Variants in RELCH observed in about 807,000 individuals in gnomAD.
RELCH encodes RAB11 binding and LisH domain, coiled-coil and HEAT repeat containing.
RELCH carries 41 observed loss-of-function variants against 150.3 expected under a neutral mutation model. That is an observed-to-expected ratio of 0.27 (90% CI 0.21 to 0.35). RELCH has a LOEUF of 0.35. Ranked by LOEUF, RELCH falls within the 10% of genes least tolerant of loss-of-function variation. The pLI, the probability that RELCH is intolerant of heterozygous loss-of-function variation, is 1.00. For synonymous variants in RELCH, 478 were observed against 531.8 expected (o/e 0.90, Z 1.39); for missense variants, 1,092 against 1,467.8 (o/e 0.74, Z 4.18).
chr18:62,263,953 T>C, intron 16 of RELCH, 36 bp from the exon 17 acceptor site: 1 of 1,579,450 alleles, frequency 6.3e-7, no homozygotes, highest in Non-Finnish European at 8.6e-7. Context: ...AAAATGCCAA[T>C]TTCCATATGA....
chr18:62,292,720 G>A (rs780894740), intron 27 of RELCH, among the ~76,000 whole-genome samples: 1 of 152,122 alleles, frequency 6.6e-6, no homozygotes, highest in Non-Finnish European at 1.5e-5. Context: ...ATATCTGATA[G>A]TTAACATAGA....
rs963408732 is a variant in RELCH at position 62,307,995 on chromosome 18, C to T, written c.*2461C>T. The T allele has an allele frequency of 2.6e-5, 4 of 152,100 alleles. No homozygotes were observed. The highest frequency in any genetic ancestry group is 1.9e-4 in the East Asian group (1 of 5,188). The allele number at this position is 152,100 out of a possible 1,614,324, so 9.4% of individuals were successfully genotyped here. A position where few individuals can be genotyped will look rare whatever the true frequency, so the allele number is the denominator to read the frequency against. On this transcript the variant is annotated 3_prime_UTR_variant, in exon 29 of 29. Coordinates refer to ENST00000644646, the MANE Select transcript of RELCH (RefSeq NM_001346231.2). ...ACATCAAATTGATTTTCAACCTGAA[C>T]GAAATTGTGAGTAATTTAAGTCATG...
At chr18:62,191,930 C>G (rs145894275) in intron 1 of RELCH, among the ~76,000 whole-genome samples, 1 of 152,300 alleles carries the variant, frequency 6.6e-6, no homozygotes, top group Non-Finnish European at 1.5e-5. Flanking sequence ...ATTGCTGGGT[C>G]AAATGGTATT....
chr18:62,258,467 G>A, intron 14 of RELCH, 45 bp from the exon 15 acceptor site: 2 of 1,509,152 alleles, frequency 1.3e-6, no homozygotes, highest in Non-Finnish European at 1.8e-6. Flanking sequence ...TTTATTTTAA[G>A]TTTATCCCTT....
intron 24 of RELCH, 28 bp downstream of exon 24, chr18:62,280,737 CTG>C (rs3842400): frequency 0.11 from 154,689 of 1,421,058 alleles, 10,210 homozygotes; most frequent in African/African-American, 0.27. Flanking sequence ...TTATTTATGT[CTG>C]TGTAATATTG....
chr18:62,213,452 C>G (rs866115668), intron 2 of RELCH, among the ~76,000 whole-genome samples: 12 of 152,074 alleles, frequency 7.9e-5, no homozygotes, highest in African/African-American at 2.4e-4. Flanking sequence ...ATCATTAGGC[C>G]GGGCGCTGTG....
intron 28 of RELCH, among the ~76,000 whole-genome samples, chr18:62,301,593 A>G (rs2045666828): frequency 6.6e-6 from 1 of 152,192 alleles, no homozygotes; most frequent in South Asian, 2.1e-4. Context: ...AATCACCTGG[A>G]AATTGCTGAG....
Position 62,307,246 on chromosome 18 carries a change from T to C in RELCH, c.*1712T>C, listed in dbSNP as rs965994764. ...ATTTTGTAAATATAATTTATATAAA[T>C]TTACCTATTTTGGTTTATTTTTACT... On this transcript the variant is annotated 3_prime_UTR_variant, in exon 29 of 29. Transcript: ENST00000644646. 2 of 151,982 alleles carry C rather than the reference T, an allele frequency of 1.3e-5. No homozygotes were observed. The highest frequency in any genetic ancestry group is 4.8e-5 in the African/African-American group (2 of 41,406). The allele number at this position is 151,982 out of a possible 1,614,324, so 9.4% of individuals were successfully genotyped here.
chr18:62,301,370 T>C (rs1467449292), intron 28 of RELCH, among the ~76,000 whole-genome samples: 1 of 152,224 alleles, frequency 6.6e-6, no homozygotes, highest in African/African-American at 2.4e-5. Context: ...TAGTAAATAT[T>C]ATTTTAAACT....
chr18:62,196,528 C>T (rs1004128380), intron 1 of RELCH, among the ~76,000 whole-genome samples: 1 of 152,220 alleles, frequency 6.6e-6, no homozygotes, highest in Non-Finnish European at 1.5e-5. Flanking sequence ...CTGCGCCCGG[C>T]CCCATCACAA....
rs1320529166 is a variant in RELCH, at chr18:62,227,469, C to G, written c.1039C>G (p.Leu347Val). 6.2e-7 allele frequency: 1 copy of G among 1,613,156 alleles called. No homozygotes were observed. Among genetic ancestry groups the G allele is most frequent in the South Asian group, 1.1e-5 (1 of 91,060 alleles). The change falls in exon 6 of 29, where the codon CTT becomes GTT. Residue 347 changes from leucine (L) to valine (V), a missense_variant. By Grantham distance (32) the Leu-to-Val change is conservative. Transcript: ENST00000644646. ...AATTATAAGCAACCTTCCTCCAACT[C>G]TTGAAACTCCCCAGCCTGCAGAGGT... is the stretch of plus-strand genomic sequence containing the variant. ...TPIISNLPPT[L>V]ETPQPAENSM...
intron 2 of RELCH, among the ~76,000 whole-genome samples, chr18:62,211,810 G>C (rs2040188775): frequency 6.6e-6 from 1 of 151,670 alleles, no homozygotes; most frequent in South Asian, 2.1e-4. Context: ...AAATAAAAAG[G>C]TTAAAATACT....
intron 8 of RELCH, among the ~76,000 whole-genome samples, chr18:62,228,857 A>T (rs1285364579): frequency 1.3e-5 from 2 of 152,084 alleles, no homozygotes; most frequent in African/African-American, 4.8e-5. Context: ...TTAAACCCAT[A>T]ACTAATATGT....
intron 1 of RELCH, among the ~76,000 whole-genome samples, chr18:62,208,184 C>T (rs2039932351): frequency 6.6e-6 from 1 of 152,012 alleles, no homozygotes; most frequent in Non-Finnish European, 1.5e-5. Context: ...TGGCCATTTC[C>T]ATATCTTCTT....
intron 1 of RELCH, among the ~76,000 whole-genome samples, chr18:62,199,972 T>C (rs2148229411): frequency 7.3e-6 from 1 of 136,956 alleles, no homozygotes. Context: ...TAATAATTAC[T>C]ATTGTTGTCA....
intron 1 of RELCH, among the ~76,000 whole-genome samples, chr18:62,199,267 C>T (rs1279240140): frequency 6.6e-6 from 1 of 151,790 alleles, no homozygotes; most frequent in African/African-American, 2.4e-5. Flanking sequence ...GTTTTTTTGG[C>T]TGTTCCACTT....
intron 27 of RELCH, among the ~76,000 whole-genome samples, chr18:62,297,223 T>G (rs1436138843): frequency 6.6e-6 from 1 of 152,176 alleles, no homozygotes; most frequent in Admixed American, 6.5e-5. Flanking sequence ...CTCATTACCC[T>G]TCAAATGCTG....
chr18:62,229,180 T>C (rs2041399202), intron 8 of RELCH, among the ~76,000 whole-genome samples: 1 of 152,072 alleles, frequency 6.6e-6, no homozygotes, highest in Non-Finnish European at 1.5e-5. Context: ...AGATTATGAT[T>C]AAAAAATACT....
rs193012981 is a variant in RELCH at position 62,210,083 on chromosome 18, G to T, written c.527-1070G>T. On this transcript the variant is annotated intron_variant, in intron 1 of 28. Transcript: ENST00000644646. ...AGTTTTGCTTGTTCTTTTCCAAACT[G>T]GATGTTTTTGGTTTCATGGTTTTTT... Among the ~76,000 whole-genome samples, 293 of 152,190 alleles carry T rather than the reference G, an allele frequency of 1.9e-3. 1 individual carries two copies. Among genetic ancestry groups the T allele is most frequent in the African/African-American group, 6.8e-3 (283 of 41,552 alleles).
Sources: gnomAD v4.1 joint callset for allele counts (sites outside exome capture counted in the v4.1 genomes callset) on GRCh38, gnomAD v4.1.1 for gene constraint, MANE v1.5 for transcripts, NCBI Gene and HGNC (gene_info 2026-07-23, HGNC 2026-07-21) for gene names.